DOP1B: variants seen among roughly 807,000 people sequenced by gnomAD.
DOP1B encodes the protein protein DOP1B.
Under a neutral mutation model 233.5 loss-of-function variants are expected in DOP1B, and 174 were observed. The ratio of observed to expected loss-of-function variants is 0.75; its 90% CI spans 0.66 to 0.85. The LOEUF (loss-of-function observed/expected upper bound fraction) is 0.85. Among genes scored for constraint, DOP1B ranks in the 40% least tolerant of loss-of-function variants. DOP1B has a pLI of 0.00. For synonymous variants in DOP1B, 1,190 were observed against 1,185.6 expected (o/e 1.00, Z -0.08); for missense variants, 2,652 against 2,846.6 (o/e 0.93, Z 1.56).
Position 36,160,760 on chromosome 21 carries a change from G to A in DOP1B, c.-27+3817G>A, listed in dbSNP as rs556733409. Among the ~76,000 whole-genome samples, 5 of 152,296 alleles carry A rather than the reference G, an allele frequency of 3.3e-5. No homozygotes were observed. In the South Asian group the frequency reaches 1.0e-3, roughly 32 times the overall value. ...CCCGAAGTGCTGGGGTTACAGGCGT[G>A]AGCCACTGCACCTGGCCTTATTTTA... is the stretch of plus-strand genomic sequence containing the variant. On this transcript the variant is annotated intron_variant, in intron 1 of 36. Transcript: ENST00000691173.
At chr21:36,227,418 G>A (rs1364611897) in intron 12 of DOP1B, among the ~76,000 whole-genome samples, 1 of 150,908 alleles carries the variant, frequency 6.6e-6, no homozygotes, top group African/African-American at 2.4e-5. Context: ...GTGGTGGTGG[G>A]CACCTGTAGT....
Position 36,232,988 on chromosome 21 carries a change from T to G in DOP1B, c.2535T>G (p.Pro845=). 1 of 1,614,022 alleles carries G rather than the reference T, an allele frequency of 6.2e-7. No homozygotes were observed. The highest frequency in any genetic ancestry group is 8.5e-7 in the Non-Finnish European group (1 of 1,179,956). ...MKRYKSSGHN[P]FFGKLQMVTV... ...GCTATAAGAGCTCTGGACACAACCC[T>G]TTTTTTGGCAAGCTGCAGATGGTGA... The change falls in exon 15 of 37, where the codon CCT becomes CCG. Residue 845 remains proline, a synonymous_variant. Transcript: ENST00000691173.
chr21:36,247,618 A>G lies in DOP1B; in HGVS notation c.4799A>G (p.Gln1600Arg), dbSNP rs751527185. 4 of 1,572,158 alleles carry G rather than the reference A, an allele frequency of 2.5e-6. No homozygotes were observed. In the South Asian group the frequency reaches 3.5e-5, roughly 14 times the overall value. The change falls in exon 20 of 37, where the codon CAA (glutamine) becomes CGA (arginine). Residue 1600 changes from glutamine (Q) to arginine (R), a missense_variant. Physicochemically the swap from Gln to Arg is conservative, Grantham distance 43. Transcript: ENST00000691173. ...TTTTGTCTTTTGGAACAAGCCAACC[A>G]AAACAAAAAGGTAAATTTTTTTTTT... ...SHFCLLEQAN[Q>R]NKKTMAAGDP...
At position 36,245,754 on chromosome 21, in the gene DOP1B, C is replaced by T. The variant is rs1202122994; in HGVS notation, c.3774C>T (p.Phe1258=). The T allele has an allele frequency of 6.2e-7, 1 of 1,613,916 alleles. No individual in the cohort carries two copies. Among genetic ancestry groups the T allele is most frequent in the Non-Finnish European group, 8.5e-7 (1 of 1,179,996 alleles). ...EAVLKTNPKE[F]IEAVSRTSMD... ...TGCTCAAAACCAACCCTAAGGAATTCATCGAGGCTGTGTCCAGGACTAGCA... is the reference window on the plus strand; with the variant it reads ...TGCTCAAAACCAACCCTAAGGAATTTATCGAGGCTGTGTCCAGGACTAGCA... Residue 1258 remains phenylalanine (F), a synonymous_variant, in exon 19 of 37, where the codon TTC becomes TTT. Coordinates refer to ENST00000691173, the MANE Select transcript of DOP1B (RefSeq NM_001320714.2). This position sits in a 1 kb window ranked among gnomAD's most constrained non-coding sequence, Gnocchi z 5.5.
chr21:36,237,495 C>T lies in DOP1B; in HGVS notation c.2775+81C>T, dbSNP rs989762302. On this transcript the variant is annotated intron_variant, in intron 16 of 36. Coordinates refer to ENST00000691173, the MANE Select transcript of DOP1B (RefSeq NM_001320714.2). ...TGCCCTTAGCCAACTGACATCCATT[C>T]GGTCGAAGTCTTTCTGGGGCTGAGT... 1.3e-5 allele frequency: 20 copies of T among 1,550,960 alleles called. No homozygotes were observed. In the South Asian group the frequency reaches 1.6e-4, roughly 12 times the overall value.
At chr21:36,215,771 T>C (rs1389682650) in intron 9 of DOP1B, among the ~76,000 whole-genome samples, 2 of 148,402 alleles carry the variant, frequency 1.3e-5, no homozygotes, top group African/African-American at 4.9e-5. Context: ...TCCCAGCACT[T>C]TGGGAGGCCG....
At chr21:36,183,460 A>G (rs541119961) in intron 2 of DOP1B, among the ~76,000 whole-genome samples, 19 of 152,252 alleles carry the variant, frequency 1.2e-4, no homozygotes, top group African/African-American at 4.6e-4. Context: ...ACCATCCTCA[A>G]CCCGAGAGCC....
intron 2 of DOP1B, among the ~76,000 whole-genome samples, chr21:36,190,200 C>G (rs1219424820): frequency 5.9e-5 from 9 of 151,424 alleles, no homozygotes; most frequent in African/African-American, 1.7e-4. Context: ...TGGCACATGC[C>G]TGTAATCTCA....
intron 2 of DOP1B, among the ~76,000 whole-genome samples, chr21:36,190,945 G>C (rs78424740): frequency 0.042 from 6,385 of 152,218 alleles, 197 homozygotes; most frequent in Non-Finnish European, 0.057. Flanking sequence ...GGCAGCCCTG[G>C]ACCTGCCGGG....
intron 23 of DOP1B, 51 bp downstream of exon 23, chr21:36,253,960 T>C: frequency 1.9e-6 from 3 of 1,588,350 alleles, no homozygotes; most frequent in Non-Finnish European, 2.6e-6. Flanking sequence ...TGGGTGGCAT[T>C]TGTCATAACT....
At chr21:36,200,862 G>A (rs1447482693) in intron 4 of DOP1B, among the ~76,000 whole-genome samples, 3 of 152,080 alleles carry the variant, frequency 2.0e-5, no homozygotes, top group Admixed American at 2.0e-4. Context: ...AAGACACGGG[G>A]AAGGAAGTGC....
At chr21:36,293,191 G>T (rs2067578640) in intron 36 of DOP1B, 129 bp from the exon 37 acceptor site, 3 of 1,001,502 alleles carry the variant, frequency 3.0e-6, no homozygotes, top group South Asian at 1.7e-5. Context: ...GGGCGACAGA[G>T]CAAGACTCTG....
chr21:36,263,628 C>T lies in DOP1B; in HGVS notation c.5398C>T (p.Pro1800Ser), dbSNP rs375198543. ...GTCTGTACAGTTGAATCTAGCCCCA[C>T]CTGGGTATTTTCTGCTTCTCAGGTA... ...KESVQLNLAPPGYFLLLSMLN... is the reference protein window; with the variant it reads ...KESVQLNLAPSGYFLLLSMLN... Residue 1800 changes from proline to serine, a missense_variant, in exon 25 of 37, where the codon CCT (proline) becomes TCT (serine). By Grantham distance (74) the Pro-to-Ser change is moderately conservative. Around this residue, in one of 3 missense-constraint regions of DOP1B, gnomAD observed 2,617 missense variants for 2,794.3 expected, o/e 0.94. Coordinates refer to ENST00000691173, the MANE Select transcript of DOP1B (RefSeq NM_001320714.2). 5.3e-5 allele frequency: 85 copies of T among 1,614,038 alleles called. No individual in the cohort carries two copies. The highest frequency in any genetic ancestry group is 6.9e-5 in the Non-Finnish European group (81 of 1,180,024).
intron 18 of DOP1B, among the ~76,000 whole-genome samples, chr21:36,240,708 CTAAA>C (rs142624999): frequency 0.033 from 5,049 of 152,096 alleles, 140 homozygotes; most frequent in African/African-American, 0.081. Flanking sequence ...AAAAGAAAAA[CTAAA>C]TAAGCCTGAT....
chr21:36,172,117 G>C (rs1288624179), intron 2 of DOP1B, among the ~76,000 whole-genome samples: 1 of 152,140 alleles, frequency 6.6e-6, no homozygotes, highest in Non-Finnish European at 1.5e-5. Context: ...GGCATGGGAA[G>C]GGGACAGGAG....
Position 36,231,108 on chromosome 21 carries a change from T to C in DOP1B, c.2324T>C (p.Leu775Pro). ...VYLSEEETEQLCATLFQLPGA... is the reference protein window; with the variant it reads ...VYLSEEETEQPCATLFQLPGA... ...CTGTCCGAGGAAGAGACCGAGCAGC[T>C]CTGTGCAACGCTCTTCCAGCTGCCA... The change falls in exon 14 of 37, where the codon CTC becomes CCC. Residue 775 changes from leucine to proline, a missense_variant. Leu to Pro is a moderately conservative substitution (Grantham distance 98). Coordinates refer to ENST00000691173, the MANE Select transcript of DOP1B (RefSeq NM_001320714.2). The C allele has an allele frequency of 6.2e-7, 1 of 1,602,490 alleles. No homozygotes were observed. The highest frequency in any genetic ancestry group is 8.5e-7 in the Non-Finnish European group (1 of 1,173,166).
At chr21:36,290,797 C>CA (rs138791873) in intron 35 of DOP1B, among the ~76,000 whole-genome samples, 547 of 129,908 alleles carry the variant, frequency 4.2e-3, no homozygotes, top group African/African-American at 0.012. Context: ...GACTCCATCT[C>CA]AAAAAAAAAA....
At chr21:36,268,020 G>A (rs931508300) in intron 26 of DOP1B, among the ~76,000 whole-genome samples, 7 of 152,100 alleles carry the variant, frequency 4.6e-5, no homozygotes, top group East Asian at 1.9e-4. Context: ...TATGTTCAGC[G>A]GTGCACGTAT....
chr21:36,230,525 T>A lies in DOP1B; in HGVS notation c.1741T>A (p.Phe581Ile). 1 of 1,614,048 alleles carries A rather than the reference T, an allele frequency of 6.2e-7. No individual in the cohort carries two copies. The highest frequency in any genetic ancestry group is 1.1e-5 in the South Asian group (1 of 91,080). ...GATTCCCGGTGACGAAGATGCTTCG[T>A]TTCCCCCTCTGAAGTCTGAGGACAG... Reference protein sequence around the residue: ...AVIPGDEDASFPPLKSEDSGI... With the variant: ...AVIPGDEDASIPPLKSEDSGI... The change falls in exon 14 of 37, where the codon TTT (phenylalanine) becomes ATT (isoleucine). Residue 581 changes from phenylalanine (F) to isoleucine (I), a missense_variant. Phe to Ile is a conservative substitution (Grantham distance 21). Transcript: ENST00000691173.
Sources: gnomAD v4.1 joint callset for allele counts (sites outside exome capture counted in the v4.1 genomes callset) on GRCh38, gnomAD v4.1.1 for gene constraint, gnomAD v4.1.1 regional missense constraint, Gnocchi (gnomAD v3.1) non-coding constraint, MANE v1.5 for transcripts, NCBI Gene and HGNC (gene_info 2026-07-23, HGNC 2026-07-21) for gene names.